SLC36A1: variants seen among roughly 807,000 people sequenced by gnomAD.
SLC36A1 encodes solute carrier family 36 member 1.
In SLC36A1, 30 loss-of-function variants were observed where a neutral mutation model predicts 47.5. That is an observed-to-expected ratio of 0.63 (90% CI 0.47 to 0.86). The LOEUF is 0.86. SLC36A1 is among the 40% of genes least tolerant of loss of function. The pLI is 0.00. For synonymous variants in SLC36A1, 255 were observed against 249.7 expected (o/e 1.02, Z -0.20); for missense variants, 517 against 606.0 (o/e 0.85, Z 1.54).
At chr5:151,448,949 A>G (rs903494660) in intron 1 of SLC36A1, among the ~76,000 whole-genome samples, 1 of 152,158 alleles carries the variant, frequency 6.6e-6, no homozygotes, top group Non-Finnish European at 1.5e-5. Flanking sequence ...ATGAGGTCTC[A>G]CTATGCTGCC....
chr5:151,423,913 A>G, the SLC36A1 span, among the ~76,000 whole-genome samples: 1 of 152,170 alleles, frequency 6.6e-6, no homozygotes, highest in African/African-American at 2.4e-5. Flanking sequence ...AAATCTCTGT[A>G]CCTTCCTCTT....
the SLC36A1 span, among the ~76,000 whole-genome samples, chr5:151,365,376 A>G: frequency 2.0e-5 from 3 of 152,218 alleles, no homozygotes; most frequent in Non-Finnish European, 2.9e-5. Flanking sequence ...AATTGCAAAC[A>G]CATCAAAAAT....
chr5:151,474,159 C>CAAAAAAAAAAA (rs1156305401), intron 8 of SLC36A1, among the ~76,000 whole-genome samples: 7 of 59,938 alleles, frequency 1.2e-4, no homozygotes, highest in African/African-American at 5.0e-4. Flanking sequence ...GACTCTGTCT[C>CAAAAAAAAAAA]AAAAAAAAAA....
chr5:151,386,119 C>G, the SLC36A1 span, among the ~76,000 whole-genome samples: 1 of 151,900 alleles, frequency 6.6e-6, no homozygotes, highest in Non-Finnish European at 1.5e-5. Context: ...ACCTCGTGAT[C>G]CACCTGCCTC....
chr5:151,467,352 T>C (rs1405553927), intron 6 of SLC36A1, 69 bp downstream of exon 6: 15 of 1,117,168 alleles, frequency 1.3e-5, no homozygotes, highest in Non-Finnish European at 1.6e-5. Context: ...ATGATTGAAG[T>C]TTTTGTTTAG....
the SLC36A1 span, among the ~76,000 whole-genome samples, chr5:151,358,214 G>A: frequency 1.3e-5 from 2 of 152,066 alleles, no homozygotes; most frequent in African/African-American, 4.8e-5. Context: ...AGTGTCTTAT[G>A]CAAAGACCCA....
At chr5:151,497,321 A>G (rs1426732690), downstream of SLC36A1, among the ~76,000 whole-genome samples, 2 of 152,150 alleles carry the variant, frequency 1.3e-5, no homozygotes, top group African/African-American at 4.8e-5. Context: ...AATTTTGTCA[A>G]ATGCTTTTTC....
chr5:151,427,331 T>C, the SLC36A1 span, among the ~76,000 whole-genome samples: 1 of 152,170 alleles, frequency 6.6e-6, no homozygotes, highest in African/African-American at 2.4e-5. Flanking sequence ...GGGTCAAGGG[T>C]AAGTGCTTTT....
the SLC36A1 span, among the ~76,000 whole-genome samples, chr5:151,406,063 C>T: frequency 0.015 from 2,272 of 152,276 alleles, 73 homozygotes; most frequent in African/African-American, 0.052. Context: ...TAAAAGATGA[C>T]CCCTTCAACA....
chr5:151,504,592 G>C, the SLC36A1 span: 1 of 152,644 alleles, frequency 6.6e-6, no homozygotes, highest in African/African-American at 2.4e-5. Flanking sequence ...GCTTCCAACC[G>C]GCCCTAAATA....
chr5:151,346,613 C>T, the SLC36A1 span, among the ~76,000 whole-genome samples: 1 of 152,124 alleles, frequency 6.6e-6, no homozygotes, highest in East Asian at 1.9e-4. Context: ...ACTACCACAC[C>T]CCACACCTTT....
rs962318295 is a variant in SLC36A1 at position 151,447,636 on chromosome 5, G to C, written c.-183G>C. 6.5e-6 allele frequency: 1 copy of C among 152,738 alleles called. No homozygotes were observed. Among genetic ancestry groups the C allele is most frequent in the Non-Finnish European group, 1.5e-5 (1 of 68,436 alleles). 9.5% of individuals were successfully genotyped at this position (152,738 alleles called of 1,614,324 possible). ...GAAGCGGCTGCCGGGCAGCAAAGGA[G>C]GATGGCGAGGGGCTGATACTGAACC... On this transcript the variant is annotated 5_prime_UTR_variant, in exon 1 of 11. Transcript: ENST00000243389.
chr5:151,376,366 C>A, the SLC36A1 span, among the ~76,000 whole-genome samples: 1 of 152,052 alleles, frequency 6.6e-6, no homozygotes, highest in Non-Finnish European at 1.5e-5. Flanking sequence ...TTCAAAGAAC[C>A]AACTTTTTGT....
downstream of SLC36A1, among the ~76,000 whole-genome samples, chr5:151,493,205 T>C (rs924579127): frequency 6.6e-6 from 1 of 152,170 alleles, no homozygotes; most frequent in Non-Finnish European, 1.5e-5. Context: ...AAATGTTTAT[T>C]CTCTCACTCA....
the SLC36A1 span, chr5:151,549,186 G>C: frequency 2.6e-5 from 26 of 998,314 alleles, no homozygotes; most frequent in Non-Finnish European, 3.6e-5. Context: ...GTTTGCCAAG[G>C]CTTAATGAGC....
At chr5:151,492,910 G>T (rs184345672), downstream of SLC36A1, among the ~76,000 whole-genome samples, 1 of 152,294 alleles carries the variant, frequency 6.6e-6, no homozygotes, top group Non-Finnish European at 1.5e-5. Flanking sequence ...CTGCCTACAG[G>T]CCTGCCCTAT....
At position 151,463,641 on chromosome 5, in the gene SLC36A1, G is replaced by T. The variant is rs138099002; in HGVS notation, c.232G>T (p.Val78Leu). 6.2e-7 allele frequency: 1 copy of T among 1,613,360 alleles called. No homozygotes were observed. The highest frequency in any genetic ancestry group is 1.3e-5 in the African/African-American group (1 of 74,890). Reference sequence around the variant, plus strand: ...TCTGGCGGTGAAAAATGCAGGCATCGTGGTAAGGGTCTGCATCAGTGGAGA... The same window carrying T: ...TCTGGCGGTGAAAAATGCAGGCATCTTGGTAAGGGTCTGCATCAGTGGAGA... ...LPLAVKNAGI[V>L]MGPISLLIIG... The change falls in exon 3 of 11, where the codon GTG (valine) becomes TTG (leucine). Residue 78 changes from valine (V) to leucine (L), a missense_variant and splice_region_variant. Physicochemically the swap from Val to Leu is conservative, Grantham distance 32. Transcript: ENST00000243389.
At chr5:151,468,421 A>G (rs981515236) in intron 7 of SLC36A1, among the ~76,000 whole-genome samples, 1 of 145,494 alleles carries the variant, frequency 6.9e-6, no homozygotes, top group Non-Finnish European at 1.5e-5. Flanking sequence ...AATGTATGTA[A>G]TATTTATATA....
At chr5:151,504,563 C>T in the SLC36A1 span, 1 of 152,816 alleles carries the variant, frequency 6.5e-6, no homozygotes, top group Admixed American at 6.5e-5. Context: ...CCAGCCTGGA[C>T]ACTGCGGTCC....
Sources: allele counts gnomAD v4.1 joint callset (sites outside exome capture counted in the v4.1 genomes callset), GRCh38; gene constraint gnomAD v4.1.1; transcripts MANE v1.5; gene names NCBI Gene and HGNC (gene_info 2026-07-23, HGNC 2026-07-21).